The following USP17L2 variants were observed in gnomAD, a reference collection of about 807,000 sequenced individuals.
The protein encoded by USP17L2 is ubiquitin carboxyl-terminal hydrolase 17.
USP17L2 carries 29 observed loss-of-function variants against 39.8 expected under a neutral mutation model. That is an observed-to-expected ratio of 0.73 (90% CI 0.54 to 0.99). USP17L2 has a LOEUF of 0.99. Ranked by LOEUF, USP17L2 falls within the 50% of genes least tolerant of loss-of-function variation. The probability of loss-of-function intolerance (pLI) is 0.00; values close to 1 mark genes in which losing one functional copy is unlikely to be tolerated. For synonymous variants in USP17L2, 231 were observed against 252.7 expected (o/e 0.91, Z 0.81); for missense variants, 567 against 647.2 (o/e 0.88, Z 1.35).
rs538965023 is a variant in USP17L2, at chr8:12,137,091, G to T, written c.*77C>A. ...TGTTTGTGTGTGTGTGTGTGTTTGC[G>T]TGCGCGCTTGTGGGTGTATTTGTGC... is the stretch of plus-strand genomic sequence containing the variant. On this transcript the variant is annotated 3_prime_UTR_variant, in exon 1 of 1. Coordinates refer to ENST00000333796, the MANE Select transcript of USP17L2 (RefSeq NM_201402.3). 5 of 1,415,418 alleles carry T rather than the reference G, an allele frequency of 3.5e-6. No individual in the cohort carries two copies. The highest frequency in any genetic ancestry group is 5.2e-4 in the Middle Eastern group (2 of 3,836). 87.7% of individuals were successfully genotyped at this position (1,415,418 alleles called of 1,614,324 possible). A position where few individuals can be genotyped will look rare whatever the true frequency, so the allele number is the denominator to read the frequency against.
chr8:12,137,017 G>A lies in USP17L2; in HGVS notation c.*151C>T. The A allele has an allele frequency of 2.9e-6, 3 of 1,031,678 alleles. No individual in the cohort carries two copies. The highest frequency in any genetic ancestry group is 1.6e-5 in the South Asian group (1 of 62,778). 63.9% of individuals were successfully genotyped at this position (1,031,678 alleles called of 1,614,324 possible). A position where few individuals can be genotyped will look rare whatever the true frequency, so the allele number is the denominator to read the frequency against. ...ACTATCCAGTTGTCCCTGTTGTAGA[G>A]ACAGAAACTTGGACTCCTCATTACT... On this transcript the variant is annotated 3_prime_UTR_variant, in exon 1 of 1. Transcript: ENST00000333796.
At position 12,137,337 on chromosome 8, in the gene USP17L2, A is replaced by T; in HGVS notation, c.1424T>A (p.Met475Lys). Residue 475 changes from methionine (M) to lysine (K), a missense_variant, in exon 1 of 1, where the codon ATG becomes AAG. Met to Lys is a moderately conservative substitution (Grantham distance 95). This residue lies in a region of USP17L2 where 304 missense variants were observed against 254.7 expected (regional missense o/e 1.19). Coordinates refer to ENST00000333796, the MANE Select transcript of USP17L2 (RefSeq NM_201402.3). ...TTGCTGTTCAGGATGATGGTTTTTCATCCCACACTTGTATTTCGATTGATG... is the reference window on the plus strand; with the variant it reads ...TTGCTGTTCAGGATGATGGTTTTTCTTCCCACACTTGTATTTCGATTGATG... ...VIHQSKYKCGMKNHHPEQQSS... is the reference protein window; with the variant it reads ...VIHQSKYKCGKKNHHPEQQSS... The T allele has an allele frequency of 6.5e-7, 1 of 1,531,334 alleles. No individual in the cohort carries two copies. The highest frequency in any genetic ancestry group is 8.8e-7 in the Non-Finnish European group (1 of 1,135,210). 94.9% of individuals were successfully genotyped at this position (1,531,334 alleles called of 1,614,324 possible).
chr8:12,137,270 C>G lies in USP17L2; in HGVS notation c.1491G>C (p.Gln497His), dbSNP rs773169134. The G allele has an allele frequency of 2.0e-6, 3 of 1,530,820 alleles. No homozygotes were observed. The highest frequency in any genetic ancestry group is 3.6e-5 in the Admixed American group (2 of 55,880). The allele number at this position is 1,530,820 out of a possible 1,614,324, so 94.8% of individuals were successfully genotyped here. Residue 497 changes from glutamine to histidine, a missense_variant, in exon 1 of 1, where the codon CAG (glutamine) becomes CAC (histidine). By Grantham distance (24) the Gln-to-His change is conservative. Coordinates refer to ENST00000333796, the MANE Select transcript of USP17L2 (RefSeq NM_201402.3). ...CGAGGGTGCCAGTGTTCACGGACTC[C>G]TGATCTGTCCGGGTCGTCGAAGAGA... ...LNLSSTTRTD[Q>H]ESVNTGTLAS...
rs745875865 is a variant in USP17L2, at chr8:12,137,866, C to T, written c.895G>A (p.Glu299Lys). The T allele has an allele frequency of 3.2e-5, 49 of 1,522,404 alleles. 3 individuals are homozygous for T. The highest frequency in any genetic ancestry group is 2.3e-4 in the Middle Eastern group (1 of 4,292). The allele number at this position is 1,522,404 out of a possible 1,614,324, so 94.3% of individuals were successfully genotyped here. Residue 299 changes from glutamate (E) to lysine (K), a missense_variant, in exon 1 of 1, where the codon GAG (glutamate) becomes AAG (lysine). Glu to Lys is a moderately conservative substitution (Grantham distance 56). This residue lies in a region of USP17L2 where 65 missense variants were observed against 84.8 expected (regional missense o/e 0.77). Coordinates refer to ENST00000333796, the MANE Select transcript of USP17L2 (RefSeq NM_201402.3). The part of the protein sequence containing the change: ...NKLAKNVQYP[E>K]CLDMQPYMSQ... ...ATGTATGGCTGCATGTCAAGGCACT[C>T]AGGATATTGCACATTCTTGGCAAGT...
rs760767778 is a variant in USP17L2, at chr8:12,137,272, G to C, written c.1489C>G (p.Gln497Glu). The C allele has an allele frequency of 5.2e-6, 8 of 1,530,722 alleles. 1 individual carries two copies. The highest frequency in any genetic ancestry group is 5.3e-6 in the Non-Finnish European group (6 of 1,135,012). The allele number at this position is 1,530,722 out of a possible 1,614,324, so 94.8% of individuals were successfully genotyped here. The change falls in exon 1 of 1, where the codon CAG (glutamine) becomes GAG (glutamate). Residue 497 changes from glutamine (Q) to glutamate (E), a missense_variant. Gln to Glu is a conservative substitution (Grantham distance 29). Coordinates refer to ENST00000333796, the MANE Select transcript of USP17L2 (RefSeq NM_201402.3). ...AGGGTGCCAGTGTTCACGGACTCCT[G>C]ATCTGTCCGGGTCGTCGAAGAGAGG... is the stretch of plus-strand genomic sequence containing the variant. ...LNLSSTTRTD[Q>E]ESVNTGTLAS... is the part of the protein sequence containing the mutation.
In USP17L2 at chr8:12,137,742, T is replaced by G. The variant is rs772217561; in HGVS notation, c.1019A>C (p.Lys340Thr). 1 of 1,522,996 alleles carries G rather than the reference T, an allele frequency of 6.6e-7. No individual in the cohort carries two copies. Among genetic ancestry groups the G allele is most frequent in the Non-Finnish European group, 8.9e-7 (1 of 1,126,652 alleles). The allele number at this position is 1,522,996 out of a possible 1,614,324, so 94.3% of individuals were successfully genotyped here. A position where few individuals can be genotyped will look rare whatever the true frequency, so the allele number is the denominator to read the frequency against. ...CHDGHYFSYV[K>T]AQEGQWYKMD... ...TTTATACCACTGGCCTTCTTGAGCT[T>G]TGACATAAGAGAAGTAATGTCCGTC... The change falls in exon 1 of 1, where the codon AAA (lysine) becomes ACA (threonine). Residue 340 changes from lysine to threonine, a missense_variant. Transcript: ENST00000333796.
In USP17L2 at chr8:12,137,615, A is replaced by G. The variant is rs1803294918; in HGVS notation, c.1146T>C (p.Ser382=). ...YIQKSEWERH[S]ESVSRGREPR... is the part of the protein sequence containing the mutation. ...GTTCCCTGCCTCTTGACACACTCTCACTGTGTCTTTCCCATTCACTCTTCT... is the reference window on the plus strand; with the variant it reads ...GTTCCCTGCCTCTTGACACACTCTCGCTGTGTCTTTCCCATTCACTCTTCT... The change falls in exon 1 of 1, where the codon AGT becomes AGC. Residue 382 remains serine, a synonymous_variant. Coordinates refer to ENST00000333796, the MANE Select transcript of USP17L2 (RefSeq NM_201402.3). The G allele has an allele frequency of 6.6e-7, 1 of 1,519,056 alleles. No individual in the cohort carries two copies. The highest frequency in any genetic ancestry group is 8.9e-7 in the Non-Finnish European group (1 of 1,122,384). The allele number at this position is 1,519,056 out of a possible 1,614,324, so 94.1% of individuals were successfully genotyped here. A position where few individuals can be genotyped will look rare whatever the true frequency, so the allele number is the denominator to read the frequency against.
the USP17L2 span, chr8:12,137,604 G>C: frequency 1.3e-6 from 2 of 1,522,606 alleles, no homozygotes; most frequent in Non-Finnish European, 1.8e-6. Context: ...CCTGCCTCTT[G>C]ACACACTCTC....
rs368449254 is a variant in USP17L2 at position 12,138,650 on chromosome 8, G to A, written c.111C>T (p.Leu37=). 1.2e-4 allele frequency: 188 copies of A among 1,524,836 alleles called. 19 individuals carry two copies. In the African/African-American group the frequency reaches 1.3e-3, roughly 11 times the overall value. 94.5% of individuals were successfully genotyped at this position (1,524,836 alleles called of 1,614,324 possible). ...CAGATGAGAGTGGTGACTTCTCAGG[G>A]AGAGAAGTCCGCTGGATTTCAGCAA... ...AAFAEIQRTS[L]PEKSPLSSEA... is the part of the protein sequence containing the mutation. Residue 37 remains leucine (L), a synonymous_variant, in exon 1 of 1, where the codon CTC becomes CTT. Transcript: ENST00000333796.
rs535903706 is a variant in USP17L2 at position 12,137,105 on chromosome 8, G to A, written c.*63C>T. The A allele has an allele frequency of 4.1e-5, 60 of 1,464,170 alleles. No individual in the cohort carries two copies. The African/African-American group carries it at 8.0e-4, about 19-fold the overall frequency. The allele number at this position is 1,464,170 out of a possible 1,614,324, so 90.7% of individuals were successfully genotyped here. A position where few individuals can be genotyped will look rare whatever the true frequency, so the allele number is the denominator to read the frequency against. ...TGTGTGTTTGCGTGCGCGCTTGTGGGTGTATTTGTGCGTGTGTGTGTGTGC... is the reference window on the plus strand; with the variant it reads ...TGTGTGTTTGCGTGCGCGCTTGTGGATGTATTTGTGCGTGTGTGTGTGTGC... On this transcript the variant is annotated 3_prime_UTR_variant, in exon 1 of 1. Coordinates refer to ENST00000333796, the MANE Select transcript of USP17L2 (RefSeq NM_201402.3).
Position 12,137,367 on chromosome 8 carries a change from A to C in USP17L2, c.1394T>G (p.Val465Gly), listed in dbSNP as rs777904782. The change falls in exon 1 of 1, where the codon GTG becomes GGG. Residue 465 changes from valine to glycine, a missense_variant. Physicochemically the swap from Val to Gly is moderately radical, Grantham distance 109 (BLOSUM62 -3). Transcript: ENST00000333796. ...VEGTLPPNVL[V>G]IHQSKYKCGM... ...ACACTTGTATTTCGATTGATGAATC[A>C]CAAGTACGTTGGGAGGCAGGGTACC... 5.2e-6 allele frequency: 8 copies of C among 1,531,866 alleles called. No homozygotes were observed. The highest frequency in any genetic ancestry group is 6.2e-6 in the Non-Finnish European group (7 of 1,135,342). 94.9% of individuals were successfully genotyped at this position (1,531,866 alleles called of 1,614,324 possible).
chr8:12,137,750 A>G lies in USP17L2; in HGVS notation c.1011T>C (p.Ser337=), dbSNP rs759297935. 38 of 1,519,182 alleles carry G rather than the reference A, an allele frequency of 2.5e-5. 9 individuals are homozygous for G. In the East Asian group the frequency reaches 9.9e-4, roughly 40 times the overall value. 94.1% of individuals were successfully genotyped at this position (1,519,182 alleles called of 1,614,324 possible). A position where few individuals can be genotyped will look rare whatever the true frequency, so the allele number is the denominator to read the frequency against. The change falls in exon 1 of 1, where the codon TCT becomes TCC. Residue 337 remains serine (S), a synonymous_variant. Coordinates refer to ENST00000333796, the MANE Select transcript of USP17L2 (RefSeq NM_201402.3). The part of the protein sequence containing the change: ...GWSCHDGHYF[S]YVKAQEGQWY... ...ACTGGCCTTCTTGAGCTTTGACATAAGAGAAGTAATGTCCGTCGTGACAAC... is the reference window on the plus strand; with the variant it reads ...ACTGGCCTTCTTGAGCTTTGACATAGGAGAAGTAATGTCCGTCGTGACAAC...
chr8:12,137,142 C>A lies in USP17L2; in HGVS notation c.*26G>T, dbSNP rs757235735. On this transcript the variant is annotated 3_prime_UTR_variant, in exon 1 of 1. Coordinates refer to ENST00000333796, the MANE Select transcript of USP17L2 (RefSeq NM_201402.3). ...GTGTGTGTGTGTGCGTTCACCCCTACGTGTGGGTCGGCACTTCCACTGAGA... is the reference window on the plus strand; with the variant it reads ...GTGTGTGTGTGTGCGTTCACCCCTAAGTGTGGGTCGGCACTTCCACTGAGA... 22 of 1,525,896 alleles carry A rather than the reference C, an allele frequency of 1.4e-5. 3 individuals are homozygous for A. The highest frequency in any genetic ancestry group is 5.2e-5 in the East Asian group (2 of 38,116). 94.5% of individuals were successfully genotyped at this position (1,525,896 alleles called of 1,614,324 possible).
In USP17L2 at chr8:12,137,259, T is replaced by C; in HGVS notation, c.1502A>G (p.Asn501Ser). 6.5e-7 allele frequency: 1 copy of C among 1,530,762 alleles called. No individual in the cohort carries two copies. The highest frequency in any genetic ancestry group is 1.2e-5 in the South Asian group (1 of 81,282). The allele number at this position is 1,530,762 out of a possible 1,614,324, so 94.8% of individuals were successfully genotyped here. The stretch of plus-strand genomic sequence containing the variant: ...TTGCAGAGAAGCGAGGGTGCCAGTG[T>C]TCACGGACTCCTGATCTGTCCGGGT... ...STTRTDQESV[N>S]TGTLASLQGR... The change falls in exon 1 of 1, where the codon AAC becomes AGC. Residue 501 changes from asparagine to serine, a missense_variant. Transcript: ENST00000333796.
rs950930421 is a variant in USP17L2 at position 12,137,113 on chromosome 8, G to T, written c.*55C>A. The T allele has an allele frequency of 6.7e-6, 10 of 1,483,276 alleles. 1 individual carries two copies. The highest frequency in any genetic ancestry group is 9.1e-6 in the Non-Finnish European group (10 of 1,093,242). 91.9% of individuals were successfully genotyped at this position (1,483,276 alleles called of 1,614,324 possible). ...TGCGTGCGCGCTTGTGGGTGTATTT[G>T]TGCGTGTGTGTGTGTGCGTTCACCC... is the stretch of plus-strand genomic sequence containing the variant. On this transcript the variant is annotated 3_prime_UTR_variant, in exon 1 of 1. Transcript: ENST00000333796.
chr8:12,138,410 A>G lies in USP17L2; in HGVS notation c.351T>C (p.Cys117=), dbSNP rs1283874305. ...AGAGCATGCAGCACTTGGGACGCTGACATGTTTGAGAGTGCTCCCGGGACA... is the reference window on the plus strand; with the variant it reads ...AGAGCATGCAGCACTTGGGACGCTGGCATGTTTGAGAGTGCTCCCGGGACA... ...YMLSREHSQT[C]QRPKCCMLCT... is the part of the protein sequence containing the mutation. The change falls in exon 1 of 1, where the codon TGT becomes TGC. Residue 117 remains cysteine, a synonymous_variant. Transcript: ENST00000333796. 6.7e-7 allele frequency: 1 copy of G among 1,492,966 alleles called. No homozygotes were observed. The highest frequency in any genetic ancestry group is 9.1e-7 in the Non-Finnish European group (1 of 1,096,560). The allele number at this position is 1,492,966 out of a possible 1,614,324, so 92.5% of individuals were successfully genotyped here. A position where few individuals can be genotyped will look rare whatever the true frequency, so the allele number is the denominator to read the frequency against.
rs200492364 is a variant in USP17L2, at chr8:12,138,691, G to A, written c.70C>T (p.Arg24Trp). 1,447 of 1,468,836 alleles carry A rather than the reference G, an allele frequency of 9.9e-4. 160 individuals are homozygous for A. Among genetic ancestry groups the A allele is most frequent in the Non-Finnish European group, 1.1e-3 (1,224 of 1,079,184 alleles). The allele number at this position is 1,468,836 out of a possible 1,614,324, so 91.0% of individuals were successfully genotyped here. A position where few individuals can be genotyped will look rare whatever the true frequency, so the allele number is the denominator to read the frequency against. ...ATTTCAGCAAAAGCTGCATCTGGCC[G>A]AGAAGATGTGAGTTTTGAAAAGTGG... ...FNHFSKLTSS[R>W]PDAAFAEIQR... The change falls in exon 1 of 1, where the codon CGG becomes TGG. Residue 24 changes from arginine to tryptophan, a missense_variant. Arg to Trp is a moderately radical substitution (Grantham distance 101, BLOSUM62 -3). Coordinates refer to ENST00000333796, the MANE Select transcript of USP17L2 (RefSeq NM_201402.3).
chr8:12,137,078 TG>T lies in USP17L2; in HGVS notation c.*89del. ...TTGACGGTGTTCGTGTTTGTGTGTG[TG>T]TGTGTGTTTGCGTGCGCGCTTGTGG... On this transcript the variant is annotated 3_prime_UTR_variant, in exon 1 of 1. Coordinates refer to ENST00000333796, the MANE Select transcript of USP17L2 (RefSeq NM_201402.3). 1.5e-6 allele frequency: 2 copies of T among 1,360,252 alleles called. No individual in the cohort carries two copies. Among genetic ancestry groups the T allele is most frequent in the Non-Finnish European group, 2.0e-6 (2 of 984,954 alleles). The allele number at this position is 1,360,252 out of a possible 1,614,324, so 84.3% of individuals were successfully genotyped here. A position where few individuals can be genotyped will look rare whatever the true frequency, so the allele number is the denominator to read the frequency against.
chr8:12,137,189 C>A lies in USP17L2; in HGVS notation c.1572G>T (p.Arg524Ser). 3 of 1,530,730 alleles carry A rather than the reference C, an allele frequency of 2.0e-6. 1 individual carries two copies. The South Asian group carries it at 3.7e-5, about 19-fold the overall frequency. 94.8% of individuals were successfully genotyped at this position (1,530,730 alleles called of 1,614,324 possible). Residue 524 changes from arginine to serine, a missense_variant, in exon 1 of 1, where the codon AGG becomes AGT. Physicochemically the swap from Arg to Ser is moderately radical, Grantham distance 110. Coordinates refer to ENST00000333796, the MANE Select transcript of USP17L2 (RefSeq NM_201402.3). ...RSKGKNKHSK[R>S]ALLVCQ is the part of the protein sequence containing the mutation. ...GAGATCACTGGCACACAAGCAGAGC[C>A]CTCTTGCTGTGTTTGTTCTTCCCTT...
Sources: gnomAD v4.1 joint callset for allele counts on GRCh38, gnomAD v4.1.1 for gene constraint, gnomAD v4.1.1 regional missense constraint, MANE v1.5 for transcripts, NCBI Gene and HGNC (gene_info 2026-07-23, HGNC 2026-07-21) for gene names.